Variants in TTC23 observed in about 807,000 individuals in gnomAD.
TTC23 encodes tetratricopeptide repeat protein 23.
Under a neutral mutation model 55.1 loss-of-function variants are expected in TTC23, and 58 were observed. The observed-to-expected ratio is 1.05, with a 90% CI of 0.85 to 1.31. TTC23 has a LOEUF of 1.31. Among genes scored for constraint, TTC23 ranks in the 50% most tolerant of loss-of-function variants. The pLI is 0.00. For synonymous variants in TTC23, 203 were observed against 199.9 expected, an observed-to-expected ratio of 1.02 and a Z score of -0.13; for missense variants, 516 against 534.4, an observed-to-expected ratio of 0.97 and a Z score of 0.34.
intron 9 of TTC23, among the ~76,000 whole-genome samples, chr15:99,197,133 C>T (rs1310800927): frequency 4.7e-5 from 7 of 150,464 alleles, no homozygotes; most frequent in South Asian, 2.1e-4. Flanking sequence ...GACGGAGTCA[C>T]GCTCCAACGC....
At chr15:99,170,825 G>A (rs1391408879) in intron 10 of TTC23, among the ~76,000 whole-genome samples, 1 of 152,220 alleles carries the variant, frequency 6.6e-6, no homozygotes, top group Non-Finnish European at 1.5e-5. Context: ...CCCTGGCTGG[G>A]TGGTGCCTGT....
At chr15:99,220,082 C>T (rs1041937459) in intron 6 of TTC23, among the ~76,000 whole-genome samples, 14 of 151,976 alleles carry the variant, frequency 9.2e-5, no homozygotes, top group African/African-American at 3.1e-4. Context: ...GTGTCGAGTC[C>T]CTGAAGGAAC....
At position 99,139,751 on chromosome 15, in the gene TTC23, A is replaced by G. The variant is rs988706929; in HGVS notation, c.1144-352T>C. 6 of 1,318,874 alleles carry G rather than the reference A, an allele frequency of 4.5e-6. No homozygotes were observed. In the East Asian group the frequency reaches 3.1e-4, roughly 68 times the overall value. The allele number at this position is 1,318,874 out of a possible 1,614,324, so 81.7% of individuals were successfully genotyped here. A position where few individuals can be genotyped will look rare whatever the true frequency, so the allele number is the denominator to read the frequency against. Reference sequence around the variant, plus strand: ...ATGTGGCCCTTGTTATAGCCTGGAAAAGATTTAAAAAAATAGTTTTGTTTT... The same window carrying G: ...ATGTGGCCCTTGTTATAGCCTGGAAGAGATTTAAAAAAATAGTTTTGTTTT... On this transcript the variant is annotated intron_variant, in intron 12 of 13. Coordinates refer to ENST00000394132, the MANE Select transcript of TTC23 (RefSeq NM_001288615.3).
chr15:99,236,408 T>C (rs1304827886), intron 3 of TTC23, among the ~76,000 whole-genome samples: 2 of 152,192 alleles, frequency 1.3e-5, no homozygotes, highest in Non-Finnish European at 2.9e-5. Flanking sequence ...TCTTCTCATG[T>C]ACTTATTGGC....
chr15:99,139,767 G>GTT lies in TTC23; in HGVS notation c.1144-370_1144-369dup. The GTT allele has an allele frequency of 4.6e-6, 6 of 1,302,494 alleles. No individual in the cohort carries two copies. The African/African-American group carries it at 9.3e-5, about 20-fold the overall frequency. 80.7% of individuals were successfully genotyped at this position (1,302,494 alleles called of 1,614,324 possible). On this transcript the variant is annotated intron_variant, in intron 12 of 13. Transcript: ENST00000394132. ...AGCCTGGAAAAGATTTAAAAAAATA[G>GTT]TTTTGTTTTTTTTGTAAACACATAC...
Position 99,176,374 on chromosome 15 carries a change from G to GA in TTC23, c.760-1220dup, listed in dbSNP as rs573000783. ...CAACTGTACTCCCAGCAGTTTGGGG[G>GA]ACTGAGGCTGGAGATTGCTAGAGCT... On this transcript the variant is annotated intron_variant, in intron 9 of 13. Transcript: ENST00000394132. Among the ~76,000 whole-genome samples, 12 of 152,316 alleles carry GA rather than the reference G, an allele frequency of 7.9e-5. No homozygotes were observed. In the East Asian group the frequency reaches 1.7e-3, roughly 22 times the overall value.
intron 9 of TTC23, among the ~76,000 whole-genome samples, chr15:99,182,244 T>TCACACACA (rs1345527102): frequency 9.8e-6 from 1 of 102,238 alleles, no homozygotes; most frequent in South Asian, 3.5e-4. Flanking sequence ...TCTCTCTCTC[T>TCACACACA]CTCTCACACA....
At chr15:99,146,954 T>C (rs558427256) in intron 12 of TTC23, among the ~76,000 whole-genome samples, 2,066 of 151,294 alleles carry the variant, frequency 0.014, 54 homozygotes, top group African/African-American at 0.048. Flanking sequence ...TCGCTCTGTT[T>C]CCCAGGCTGG....
intron 10 of TTC23, among the ~76,000 whole-genome samples, chr15:99,169,394 A>T (rs1412763996): frequency 6.6e-6 from 1 of 152,194 alleles, no homozygotes; most frequent in Non-Finnish European, 1.5e-5. Flanking sequence ...GGTTGGAGGC[A>T]TCATGAGAGA....
At chr15:99,179,144 C>T (rs1368638430) in intron 9 of TTC23, among the ~76,000 whole-genome samples, 1 of 152,222 alleles carries the variant, frequency 6.6e-6, no homozygotes, top group African/African-American at 2.4e-5. Context: ...CAGCCAACGA[C>T]CTAGCCAACA....
At chr15:99,172,311 G>C (rs1316264693) in intron 10 of TTC23, among the ~76,000 whole-genome samples, 1 of 152,106 alleles carries the variant, frequency 6.6e-6, no homozygotes, top group Non-Finnish European at 1.5e-5. Context: ...ATTCTGACTG[G>C]CAAGTGGGCT....
intron 6 of TTC23, among the ~76,000 whole-genome samples, chr15:99,219,893 C>T (rs961933217): frequency 3.9e-5 from 6 of 152,140 alleles, no homozygotes; most frequent in African/African-American, 1.4e-4. Context: ...TAATTCTGTT[C>T]CTATGTCTAT....
At chr15:99,214,161 C>T (rs2152033245) in intron 8 of TTC23, among the ~76,000 whole-genome samples, 1 of 152,166 alleles carries the variant, frequency 6.6e-6, no homozygotes, top group East Asian at 1.9e-4. Flanking sequence ...GTCATCCAGG[C>T]TGGAGTGCAG....
chr15:99,156,887 C>T (rs1567348825), intron 11 of TTC23, among the ~76,000 whole-genome samples: 1 of 152,190 alleles, frequency 6.6e-6, no homozygotes. Context: ...TTACAGGAAT[C>T]CATTTCAGTT....
In TTC23 at chr15:99,232,274, T is replaced by C. The variant is rs370306765; in HGVS notation, c.-21+2714A>G. Among the ~76,000 whole-genome samples the C allele has an allele frequency of 1.1e-3, 168 of 151,646 alleles. 3 individuals are homozygous for C. The highest frequency in any genetic ancestry group is 3.6e-3 in the African/African-American group (151 of 41,400). On this transcript the variant is annotated intron_variant, in intron 4 of 13. Coordinates refer to ENST00000394132, the MANE Select transcript of TTC23 (RefSeq NM_001288615.3). ...GTGAGCGGATCACAAGATCAAGAGA[T>C]GGAGACCATCCTGGCTAACATGGTG...
At chr15:99,230,075 G>C (rs1452170620) in intron 4 of TTC23, among the ~76,000 whole-genome samples, 1 of 152,134 alleles carries the variant, frequency 6.6e-6, no homozygotes, top group Non-Finnish European at 1.5e-5. Context: ...GGCCCATAAT[G>C]AGAATAATCA....
At chr15:99,246,869 G>A (rs547095512) in intron 1 of TTC23, among the ~76,000 whole-genome samples, 4 of 152,196 alleles carry the variant, frequency 2.6e-5, no homozygotes, top group East Asian at 1.9e-4. Flanking sequence ...GCAGTGGGCC[G>A]AGATCGTGGC....
chr15:99,228,613 G>A lies in TTC23; in HGVS notation c.100C>T (p.Gln34Ter), dbSNP rs2078666567. 1.2e-6 allele frequency: 2 copies of A among 1,614,062 alleles called. No individual in the cohort carries two copies. The highest frequency in any genetic ancestry group is 1.7e-6 in the Non-Finnish European group (2 of 1,179,970). Residue 34 changes from glutamine to a stop codon, truncating the protein, a stop_gained, in exon 5 of 14, where the codon CAG becomes TAG. Transcript: ENST00000394132. LOFTEE classifies it high-confidence loss of function. ...CGAGGAGGCTGGAATAGTGCTGTCT[G>A]AAGCAGCTTGTTTTGGAACTTCTTT... ...HRKKFQNKLLQTALFQPPREK... is the reference protein window; with the variant it reads ...HRKKFQNKLL
At chr15:99,196,484 C>T (rs1223236465) in intron 9 of TTC23, among the ~76,000 whole-genome samples, 2 of 152,092 alleles carry the variant, frequency 1.3e-5, no homozygotes, top group East Asian at 3.8e-4. Flanking sequence ...GTTGTAAACC[C>T]GCCAGTGTGC....
Sources: allele counts gnomAD v4.1 joint callset (sites outside exome capture counted in the v4.1 genomes callset), GRCh38; gene constraint gnomAD v4.1.1; transcripts MANE v1.5; gene names NCBI Gene and HGNC (gene_info 2026-07-23, HGNC 2026-07-21).